LMF1: variants seen among roughly 807,000 people sequenced by gnomAD.
LMF1 encodes the protein lipase maturation factor 1, also known as transmembrane protein 112.
A neutral mutation model predicts 60.6 loss-of-function variants in LMF1; 68 were observed. The observed-to-expected ratio is 1.12, with a 90% CI of 0.92 to 1.37. The LOEUF (loss-of-function observed/expected upper bound fraction) is 1.37. Ranked by LOEUF, LMF1 falls within the 40% of genes most tolerant of loss-of-function variation. LMF1 has a pLI of 0.00. For missense variants in LMF1, 948 were observed against 767.2 expected, an observed-to-expected ratio of 1.24 and a Z score of -2.78; for synonymous variants, 418 against 324.7, an observed-to-expected ratio of 1.29 and a Z score of -3.09.
intron 10 of LMF1, among the ~76,000 whole-genome samples, chr16:859,159 TGTCTC>T (rs1419711749): frequency 2.9e-4 from 36 of 123,468 alleles, no homozygotes; most frequent in African/African-American, 1.3e-3. Flanking sequence ...TGTGCAGTGG[TGTCTC>T]GGGACGGGTG....
At chr16:922,128 C>T (rs990339578) in intron 3 of LMF1, among the ~76,000 whole-genome samples, 18 of 152,060 alleles carry the variant, frequency 1.2e-4, no homozygotes, top group Admixed American at 1.0e-3. Flanking sequence ...TGAGGGAGGG[C>T]GGCCTGGACA....
At chr16:908,166 G>C (rs969945949) in intron 4 of LMF1, among the ~76,000 whole-genome samples, 5 of 152,208 alleles carry the variant, frequency 3.3e-5, no homozygotes, top group Non-Finnish European at 7.3e-5. Flanking sequence ...CTAAAACTAA[G>C]CCCTGGAAAG....
chr16:893,983 A>G (rs886442749), intron 4 of LMF1, among the ~76,000 whole-genome samples: 51 of 150,088 alleles, frequency 3.4e-4, no homozygotes, highest in Non-Finnish European at 6.5e-4. Flanking sequence ...GGCTCCATCC[A>G]CCTGTCCACC....
In LMF1 at chr16:970,878, GC is replaced by G; in HGVS notation, c.102del (p.Arg35ValfsTer17). ...DPEPESPPAP[G>X]RGPAGSPAHL... Reference sequence around the variant, plus strand: ...TGGGCCGGAGAGCCTGCGGGGCCACGCCCCGGCGCGGGCGGCGACTCAGGCT... The same window carrying G: ...TGGGCCGGAGAGCCTGCGGGGCCACGCCCGGCGCGGGCGGCGACTCAGGCT... On this transcript the variant is annotated frameshift_variant, in exon 1 of 11. Coordinates refer to ENST00000262301, the MANE Select transcript of LMF1 (RefSeq NM_022773.4). LOFTEE classifies it high-confidence loss of function. The G allele has an allele frequency of 1.3e-6, 2 of 1,570,268 alleles. No individual in the cohort carries two copies. Among genetic ancestry groups the G allele is most frequent in the Non-Finnish European group, 1.7e-6 (2 of 1,160,376 alleles).
rs748738256 is a variant in LMF1, at chr16:870,887, C to A, written c.1079-5G>T. ...CTGCACGCCGCACCACGGAGCCTGG[C>A]AGGGGAGTGACATCTTCCAGGTGGG... On this transcript the variant is annotated splice_polypyrimidine_tract_variant and splice_region_variant and intron_variant, in intron 7 of 10. Transcript: ENST00000262301. 4.4e-6 allele frequency: 7 copies of A among 1,601,922 alleles called. 1 individual carries two copies. In the South Asian group the frequency reaches 6.6e-5, roughly 15 times the overall value.
At chr16:973,643 C>T (rs972982336), upstream of LMF1, among the ~76,000 whole-genome samples, 9 of 152,214 alleles carry the variant, frequency 5.9e-5, no homozygotes. Flanking sequence ...AGGTGCTAAA[C>T]ACCGAGTCGT....
intron 4 of LMF1, among the ~76,000 whole-genome samples, chr16:905,809 A>G (rs960852313): frequency 1.3e-5 from 2 of 151,960 alleles, no homozygotes; most frequent in Admixed American, 6.6e-5. Flanking sequence ...GGGTCTCACT[A>G]TGTTGCCCAG....
chr16:956,224 G>A (rs370899500), intron 1 of LMF1, among the ~76,000 whole-genome samples: 2,203 of 135,552 alleles, frequency 0.016, 3 homozygotes, highest in African/African-American at 0.042. Flanking sequence ...GTCCCACGGC[G>A]CCCACCCCAC....
intron 4 of LMF1, chr16:901,415 T>A (rs2070808917): frequency 6.6e-6 from 1 of 151,906 alleles, no homozygotes; most frequent in Non-Finnish European, 1.5e-5. Flanking sequence ...GGCCACAGAG[T>A]AGGCAGACCC....
intron 4 of LMF1, among the ~76,000 whole-genome samples, chr16:908,815 G>A (rs973481426): frequency 9.2e-5 from 14 of 152,230 alleles, no homozygotes; most frequent in South Asian, 2.1e-4. Context: ...GGGATGCCCC[G>A]GTGCCCGCCA....
intron 2 of LMF1, among the ~76,000 whole-genome samples, chr16:943,406 T>A (rs1029014576): frequency 6.8e-6 from 1 of 146,386 alleles, no homozygotes. Context: ...GAGTCTCTGC[T>A]AAATTTCCCA....
chr16:870,107 C>T lies in LMF1; in HGVS notation c.1233-41G>A, dbSNP rs367744782. The T allele has an allele frequency of 2.6e-4, 406 of 1,582,252 alleles. 1 individual carries two copies. Among genetic ancestry groups the T allele is most frequent in the Admixed American group, 2.7e-4 (16 of 58,730 alleles). On this transcript the variant is annotated intron_variant, in intron 8 of 10. Coordinates refer to ENST00000262301, the MANE Select transcript of LMF1 (RefSeq NM_022773.4). ...GGCAGGCCAGGCCCACGTCACACAC[C>T]GGCTGGGCCGAGTGGGGTGCATGGG... is the stretch of plus-strand genomic sequence containing the variant.
intron 1 of LMF1, chr16:979,504 G>GTC (rs1386350914): frequency 1.8e-5 from 7 of 382,428 alleles, no homozygotes; most frequent in Non-Finnish European, 3.7e-5. Context: ...CTGAGGCAGG[G>GTC]TCTCAGTTGC....
chr16:968,448 T>C (rs2072972023), intron 1 of LMF1: 2 of 152,226 alleles, frequency 1.3e-5, no homozygotes, highest in Admixed American at 6.5e-5. Flanking sequence ...TCAAGTGAAA[T>C]ATTTGGAGAG....
At position 859,948 on chromosome 16, in the gene LMF1, G is replaced by C. The variant is rs945888937; in HGVS notation, c.1530-5242C>G. Reference sequence around the variant, plus strand: ...ATCGGTGTGAGTGGTGTCACGGGATGGGTGTGCAGTGATGGTACCGGATGG... The same window carrying C: ...ATCGGTGTGAGTGGTGTCACGGGATCGGTGTGCAGTGATGGTACCGGATGG... On this transcript the variant is annotated intron_variant, in intron 10 of 10. Transcript: ENST00000262301. Among the ~76,000 whole-genome samples, 9 of 126,378 alleles carry C rather than the reference G, an allele frequency of 7.1e-5. 2 individuals are homozygous for C. The highest frequency in any genetic ancestry group is 4.6e-4 in the African/African-American group (9 of 19,522). 82.9% of individuals were successfully genotyped at this position (126,378 alleles called of 152,430 possible).
chr16:881,624 G>C (rs1416415013), intron 5 of LMF1: 1 of 152,380 alleles, frequency 6.6e-6, no homozygotes, highest in East Asian at 1.9e-4. Flanking sequence ...GTTAGGGCTT[G>C]AGTGCCCCAT....
At chr16:970,667 A>T in intron 1 of LMF1, 121 bp downstream of exon 1, 1 of 902,886 alleles carries the variant, frequency 1.1e-6, no homozygotes, top group Non-Finnish European at 1.6e-6. Flanking sequence ...CCCCAGCAGG[A>T]AGGAGGGCTG....
intron 1 of LMF1, among the ~76,000 whole-genome samples, chr16:970,554 C>A (rs1467982069): frequency 6.6e-6 from 1 of 152,186 alleles, no homozygotes; most frequent in Non-Finnish European, 1.5e-5. Flanking sequence ...GAACCGGGAG[C>A]CCAGGAGCCC....
intron 4 of LMF1, chr16:893,415 C>T: frequency 2.1e-6 from 1 of 468,816 alleles, no homozygotes; most frequent in Non-Finnish European, 4.2e-6. Flanking sequence ...ACGCCCTGCA[C>T]AGACCCCACG....
Sources: allele counts gnomAD v4.1 joint callset (sites outside exome capture counted in the v4.1 genomes callset), GRCh38; gene constraint gnomAD v4.1.1; transcripts MANE v1.5; gene names NCBI Gene and HGNC (gene_info 2026-07-23, HGNC 2026-07-21).